Variants in KIRREL3 observed in about 807,000 individuals in gnomAD.
KIRREL3 encodes kin of IRRE-like protein 3.
In KIRREL3, 36 loss-of-function variants were observed where a neutral mutation model predicts 89.7. That is an observed-to-expected ratio of 0.40 (90% CI 0.31 to 0.53). The LOEUF is 0.53. KIRREL3 is among the 20% of genes least tolerant of loss of function. KIRREL3 has a pLI of 0.49. For missense variants in KIRREL3, 864 were observed against 1,056.6 expected (o/e 0.82, Z 2.53); for synonymous variants, 445 against 441.4 (o/e 1.01, Z -0.10).
At chr11:126,816,252 G>C (rs1305092350) in intron 1 of KIRREL3, among the ~76,000 whole-genome samples, 13 of 152,210 alleles carry the variant, frequency 8.5e-5, no homozygotes. Flanking sequence ...AACAAGGACA[G>C]TATGTATTCT....
chr11:126,936,766 T>G (rs1948207911), intron 1 of KIRREL3: 1 of 152,220 alleles, frequency 6.6e-6, no homozygotes, highest in Non-Finnish European at 1.5e-5. Flanking sequence ...GGAATGCAGA[T>G]GATCTGCAAA....
Position 126,814,542 on chromosome 11 carries a change from G to T in KIRREL3, c.55+185913C>A, listed in dbSNP as rs188975990. Among the ~76,000 whole-genome samples the T allele has an allele frequency of 6.6e-6, 1 of 152,296 alleles. No individual in the cohort carries two copies. The highest frequency in any genetic ancestry group is 1.5e-5 in the Non-Finnish European group (1 of 68,034). The stretch of plus-strand genomic sequence containing the variant: ...CTAAATGCCCATCAATGATAGACTG[G>T]ATAAAGAAAATGTGATACATATACA... On this transcript the variant is annotated intron_variant, in intron 1 of 16. Transcript: ENST00000525144. The surrounding 1 kb of genome is among the most constrained non-coding windows in gnomAD (Gnocchi z 4.4).
At position 126,788,699 on chromosome 11, in the gene KIRREL3, C is replaced by T. The variant is rs1950551882; in HGVS notation, c.55+211756G>A. Among the ~76,000 whole-genome samples the T allele has an allele frequency of 1.3e-5, 2 of 152,156 alleles. No homozygotes were observed. Among genetic ancestry groups the T allele is most frequent in the South Asian group, 4.1e-4 (2 of 4,832 alleles). ...CCTCCACATTATAGACCACAAAGGC[C>T]CTACAATTGCTATCAAAGGAACTGA... is the stretch of plus-strand genomic sequence containing the variant. On this transcript the variant is annotated intron_variant, in intron 1 of 16. Transcript: ENST00000525144. The surrounding 1 kb of genome is among the most constrained non-coding windows in gnomAD (Gnocchi z 4.1).
rs187647623 is a variant in KIRREL3 at position 126,608,560 on chromosome 11, C to G, written c.56-45648G>C. On this transcript the variant is annotated intron_variant, in intron 1 of 16. Transcript: ENST00000525144. The surrounding 1 kb of genome is among the most constrained non-coding windows in gnomAD (Gnocchi z 4.9). ...CTCCTCTTCCCTCCTCTCCCCTCCC[C>G]AAATGGCTCCCTTAATCACGAGCTG... Among the ~76,000 whole-genome samples, 63 of 152,288 alleles carry G rather than the reference C, an allele frequency of 4.1e-4. No individual in the cohort carries two copies. Among genetic ancestry groups the G allele is most frequent in the Middle Eastern group, 3.4e-3 (1 of 294 alleles).
chr11:126,726,114 G>A (rs879878028), intron 1 of KIRREL3, among the ~76,000 whole-genome samples: 60 of 152,244 alleles, frequency 3.9e-4, no homozygotes, highest in African/African-American at 1.2e-3. Context: ...CCTGTGTCCC[G>A]AAGTGGGTCT....
chr11:126,874,713 G>A (rs909871252), intron 1 of KIRREL3, among the ~76,000 whole-genome samples: 1 of 152,140 alleles, frequency 6.6e-6, no homozygotes, highest in Non-Finnish European at 1.5e-5. Context: ...ACTTAAACTG[G>A]CACACTTTCC....
chr11:126,524,577 C>G (rs1565522742), intron 3 of KIRREL3, among the ~76,000 whole-genome samples: 1 of 152,196 alleles, frequency 6.6e-6, no homozygotes, highest in Non-Finnish European at 1.5e-5. Context: ...GAAAAATGTG[C>G]TATCAATATG....
rs183884779 is a variant in KIRREL3, at chr11:126,897,214, C to A, written c.55+103241G>T. Among the ~76,000 whole-genome samples, 433 of 152,240 alleles carry A rather than the reference C, an allele frequency of 2.8e-3. 1 individual carries two copies. The highest frequency in any genetic ancestry group is 9.8e-3 in the African/African-American group (405 of 41,538). On this transcript the variant is annotated intron_variant, in intron 1 of 16. Coordinates refer to ENST00000525144, the MANE Select transcript of KIRREL3 (RefSeq NM_032531.4). This position sits in a 1 kb window ranked among gnomAD's most constrained non-coding sequence, Gnocchi z 4.2. Reference sequence around the variant, plus strand: ...AGGGCAGCAATTTGGCCCCAGGACACCAGGTTGGTGGCAGAACCTGCTGAG... The same window carrying A: ...AGGGCAGCAATTTGGCCCCAGGACAACAGGTTGGTGGCAGAACCTGCTGAG...
chr11:126,625,296 TCA>T (rs1943736318), intron 1 of KIRREL3, among the ~76,000 whole-genome samples: 1 of 152,112 alleles, frequency 6.6e-6, no homozygotes, highest in Admixed American at 6.5e-5. Context: ...TGGTCTATTC[TCA>T]GTTACCTTTA....
chr11:126,993,192 C>T lies in KIRREL3; in HGVS notation c.55+7263G>A, dbSNP rs1340284361. ...GAGAGGACCACAAACCCATAGGCTA[C>T]TAGCAATGTTTCTCAGGTGTTTACT... On this transcript the variant is annotated intron_variant, in intron 1 of 16. Coordinates refer to ENST00000525144, the MANE Select transcript of KIRREL3 (RefSeq NM_032531.4). The surrounding 1 kb of genome is among the most constrained non-coding windows in gnomAD (Gnocchi z 6.1). Among the ~76,000 whole-genome samples the T allele has an allele frequency of 1.3e-5, 2 of 152,228 alleles. No homozygotes were observed. The highest frequency in any genetic ancestry group is 4.8e-5 in the African/African-American group (2 of 41,464).
rs542012381 is a variant in KIRREL3 at position 126,475,806 on chromosome 11, G to C, written c.434-2340C>G. On this transcript the variant is annotated intron_variant, in intron 4 of 16. Coordinates refer to ENST00000525144, the MANE Select transcript of KIRREL3 (RefSeq NM_032531.4). The surrounding 1 kb of genome is among the most constrained non-coding windows in gnomAD (Gnocchi z 7.5). ...GTGGGGGTGGGTGCAACCACTTGTG[G>C]AGGAGGGGAATTGCATCTCCACGCG... 6.6e-6 allele frequency among the ~76,000 whole-genome samples: 1 copy of C among 152,360 alleles called. No individual in the cohort carries two copies. Among genetic ancestry groups the C allele is most frequent in the South Asian group, 2.1e-4 (1 of 4,830 alleles).
chr11:126,890,951 C>T lies in KIRREL3; in HGVS notation c.55+109504G>A, dbSNP rs1261103898. Among the ~76,000 whole-genome samples, 4 of 152,208 alleles carry T rather than the reference C, an allele frequency of 2.6e-5. No individual in the cohort carries two copies. Among genetic ancestry groups the T allele is most frequent in the Non-Finnish European group, 4.4e-5 (3 of 68,042 alleles). On this transcript the variant is annotated intron_variant, in intron 1 of 16. Coordinates refer to ENST00000525144, the MANE Select transcript of KIRREL3 (RefSeq NM_032531.4). The surrounding 1 kb of genome is among the most constrained non-coding windows in gnomAD (Gnocchi z 5.1). ...GCTGATTCCAGTGCTGTTGGTCCCCCGCTTGGTTCATTACATTTCTGAGCC... is the reference window on the plus strand; with the variant it reads ...GCTGATTCCAGTGCTGTTGGTCCCCTGCTTGGTTCATTACATTTCTGAGCC...
Position 126,990,888 on chromosome 11 carries a change from A to G in KIRREL3, c.55+9567T>C, listed in dbSNP as rs922247222. 2.0e-5 allele frequency among the ~76,000 whole-genome samples: 3 copies of G among 151,398 alleles called. No individual in the cohort carries two copies. The highest frequency in any genetic ancestry group is 4.4e-5 in the Non-Finnish European group (3 of 67,844). ...AGTGAGGCAGGGAAGGGTGGGAATC[A>G]CTCCTCCTGCCACTCCCGGATGAAC... On this transcript the variant is annotated intron_variant, in intron 1 of 16. Coordinates refer to ENST00000525144, the MANE Select transcript of KIRREL3 (RefSeq NM_032531.4). The surrounding 1 kb of genome is among the most constrained non-coding windows in gnomAD (Gnocchi z 6.3).
intron 1 of KIRREL3, among the ~76,000 whole-genome samples, chr11:126,582,143 G>A (rs1373651278): frequency 6.6e-6 from 1 of 152,162 alleles, no homozygotes; most frequent in African/African-American, 2.4e-5. Context: ...GCCTTACTGG[G>A]TGATACTGAG....
chr11:126,463,405 G>A lies in KIRREL3; in HGVS notation c.592-98C>T, dbSNP rs1956616591. 1.6e-6 allele frequency: 2 copies of A among 1,245,854 alleles called. No homozygotes were observed. Among genetic ancestry groups the A allele is most frequent in the Admixed American group, 2.2e-5 (1 of 45,584 alleles). The allele number at this position is 1,245,854 out of a possible 1,614,324, so 77.2% of individuals were successfully genotyped here. A position where few individuals can be genotyped will look rare whatever the true frequency, so the allele number is the denominator to read the frequency against. On this transcript the variant is annotated intron_variant, in intron 5 of 16. Transcript: ENST00000525144. The surrounding 1 kb of genome is among the most constrained non-coding windows in gnomAD (Gnocchi z 5.9). ...AACGAGCACCAGCTTAGACAGAAGGGGGAGCTGTGGATGGAGGGGTTCAGC... is the reference window on the plus strand; with the variant it reads ...AACGAGCACCAGCTTAGACAGAAGGAGGAGCTGTGGATGGAGGGGTTCAGC...
chr11:126,820,199 T>C (rs1270880306), intron 1 of KIRREL3, among the ~76,000 whole-genome samples: 1 of 152,128 alleles, frequency 6.6e-6, no homozygotes, highest in Admixed American at 6.5e-5. Context: ...GCACATAGTT[T>C]AGAGAGAATG....
intron 1 of KIRREL3, among the ~76,000 whole-genome samples, chr11:126,691,624 G>A (rs754677362): frequency 6.6e-6 from 1 of 152,130 alleles, no homozygotes; most frequent in African/African-American, 2.4e-5. Flanking sequence ...TGTAGCAGTA[G>A]TAAAACTTTG....
chr11:126,952,985 A>G (rs1245478084), intron 1 of KIRREL3, among the ~76,000 whole-genome samples: 2 of 152,230 alleles, frequency 1.3e-5, no homozygotes, highest in Non-Finnish European at 2.9e-5. Context: ...ATTACTGGGT[A>G]TATACCCAAA....
Position 126,641,935 on chromosome 11 carries a change from A to G in KIRREL3, c.56-79023T>C, listed in dbSNP as rs1259064620. Among the ~76,000 whole-genome samples, 2 of 152,136 alleles carry G rather than the reference A, an allele frequency of 1.3e-5. No homozygotes were observed. Among genetic ancestry groups the G allele is most frequent in the Non-Finnish European group, 2.9e-5 (2 of 68,024 alleles). ...AGGAACGTGTCAATTCTGCAACTTC[A>G]AGTGGCAGTTAGGGAAGGATCCTCT... On this transcript the variant is annotated intron_variant, in intron 1 of 16. Coordinates refer to ENST00000525144, the MANE Select transcript of KIRREL3 (RefSeq NM_032531.4). This position sits in a 1 kb window ranked among gnomAD's most constrained non-coding sequence, Gnocchi z 5.0.
Sources: allele counts gnomAD v4.1 joint callset (sites outside exome capture counted in the v4.1 genomes callset), GRCh38; gene constraint gnomAD v4.1.1; non-coding constraint Gnocchi (gnomAD v3.1); transcripts MANE v1.5; gene names NCBI Gene and HGNC (gene_info 2026-07-23, HGNC 2026-07-21).